APBB2: variants seen among roughly 807,000 people sequenced by gnomAD.
APBB2 encodes the protein amyloid beta precursor protein binding family B member 2.
A neutral mutation model predicts 82.5 loss-of-function variants in APBB2; 38 were observed. That is an observed-to-expected ratio of 0.46 (90% CI 0.36 to 0.60). The LOEUF is 0.60. APBB2 is among the 20% of genes least tolerant of loss of function. The pLI, the probability that APBB2 is intolerant of heterozygous loss-of-function variation, is 0.00. For synonymous variants in APBB2, 341 were observed against 368.2 expected (o/e 0.93, Z 0.85); for missense variants, 772 against 972.3 (o/e 0.79, Z 2.74).
intron 10 of APBB2, among the ~76,000 whole-genome samples, chr4:40,927,121 A>G (rs1044255521): frequency 6.6e-6 from 1 of 152,074 alleles, no homozygotes; most frequent in Non-Finnish European, 1.5e-5. Flanking sequence ...TTCTAATTTG[A>G]TGACACATTC....
intron 7 of APBB2, among the ~76,000 whole-genome samples, chr4:40,937,478 A>G (rs4593176): frequency 0.82 from 124,769 of 152,184 alleles, 51,129 homozygotes; most frequent in South Asian, 0.86. Flanking sequence ...TCCAGCTCTC[A>G]TGTTATGGAA....
At chr4:40,886,124 A>G (rs1770173790) in intron 12 of APBB2, among the ~76,000 whole-genome samples, 1 of 152,224 alleles carries the variant, frequency 6.6e-6, no homozygotes. Flanking sequence ...TACCCAGAAG[A>G]TAAGCCTCCA....
intron 7 of APBB2, among the ~76,000 whole-genome samples, chr4:40,937,252 G>T (rs186689009): frequency 1.8e-4 from 28 of 152,238 alleles, no homozygotes; most frequent in Middle Eastern, 3.4e-3. Context: ...CTCACAAAAA[G>T]AATTTCAGAA....
chr4:41,171,058 C>T (rs1768097742), intron 1 of APBB2, among the ~76,000 whole-genome samples: 2 of 152,300 alleles, frequency 1.3e-5, no homozygotes, highest in South Asian at 2.1e-4. Flanking sequence ...CAACTCGCTA[C>T]GTCAGTTTCT....
chr4:40,981,370 G>A (rs1178631976), intron 6 of APBB2, among the ~76,000 whole-genome samples: 1 of 141,534 alleles, frequency 7.1e-6, no homozygotes, highest in Non-Finnish European at 1.6e-5. Context: ...GACAGAGTGA[G>A]ACCCTGTCTC....
chr4:40,906,464 C>CAAAA (rs5857755), intron 10 of APBB2, among the ~76,000 whole-genome samples: 23 of 68,002 alleles, frequency 3.4e-4, no homozygotes, highest in African/African-American at 8.5e-4. Context: ...AAACCTGTCT[C>CAAAA]AAAAAAAAAA....
intron 12 of APBB2, among the ~76,000 whole-genome samples, chr4:40,867,978 A>T (rs1764455439): frequency 6.6e-6 from 1 of 151,716 alleles, no homozygotes. Flanking sequence ...AGGGGCTCTA[A>T]ATTTTCAGCC....
At chr4:41,144,945 C>A (rs1047854044) in intron 1 of APBB2, among the ~76,000 whole-genome samples, 3 of 152,152 alleles carry the variant, frequency 2.0e-5, no homozygotes, top group African/African-American at 7.2e-5. Flanking sequence ...CAAAGAGAGG[C>A]CTTGTCTCTA....
chr4:41,078,682 T>C (rs1191268861), intron 3 of APBB2, among the ~76,000 whole-genome samples: 2 of 152,210 alleles, frequency 1.3e-5, no homozygotes, highest in Admixed American at 6.5e-5. Context: ...CTTAGTTAAA[T>C]AGAGTTCATT....
chr4:40,931,131 G>C (rs1415087274), intron 10 of APBB2, among the ~76,000 whole-genome samples: 2 of 152,102 alleles, frequency 1.3e-5, no homozygotes, highest in Middle Eastern at 3.2e-3. Flanking sequence ...GAATGTAAAG[G>C]GTCATGTAAG....
chr4:41,019,403 G>A (rs1038851275), intron 5 of APBB2, among the ~76,000 whole-genome samples: 3 of 152,088 alleles, frequency 2.0e-5, no homozygotes, highest in Non-Finnish European at 2.9e-5. Context: ...GAAGAGAGGC[G>A]GTAAGGACAA....
chr4:40,895,049 T>G (rs887191922), intron 10 of APBB2, among the ~76,000 whole-genome samples: 1 of 152,152 alleles, frequency 6.6e-6, no homozygotes, highest in African/African-American at 2.4e-5. Flanking sequence ...GTGAGCTTCA[T>G]AACCAAATGA....
At chr4:40,993,273 A>G (rs6841657) in intron 6 of APBB2, among the ~76,000 whole-genome samples, 3,577 of 152,178 alleles carry the variant, frequency 0.024, 147 homozygotes, top group African/African-American at 0.082. Context: ...AGCTTATGGC[A>G]CAAATTCCAT....
rs190119278 is a variant in APBB2, at chr4:40,839,189, C to T, written c.1530-8612G>A. On this transcript the variant is annotated intron_variant, in intron 12 of 17. Transcript: ENST00000508593. ...ACCTCCTAGACTCAAGCGATCCTCC[C>T]GTCTCAGCCTCCCAAGTAGCTGGGA... 4.4e-3 allele frequency among the ~76,000 whole-genome samples: 666 copies of T among 151,980 alleles called. 1 individual carries two copies. The highest frequency in any genetic ancestry group is 5.9e-3 in the Non-Finnish European group (402 of 67,956).
Position 40,986,388 on chromosome 4 carries a change from A to C in APBB2, c.835+27195T>G, listed in dbSNP as rs147694075. Among the ~76,000 whole-genome samples, 434 of 152,370 alleles carry C rather than the reference A, an allele frequency of 2.8e-3. 3 individuals carry two copies. The highest frequency in any genetic ancestry group is 0.01 in the African/African-American group (420 of 41,586). On this transcript the variant is annotated intron_variant, in intron 6 of 17. Coordinates refer to ENST00000508593, the MANE Select transcript of APBB2 (RefSeq NM_004307.2). ...ATCCTTCTTCACATGACTCCAAAAC[A>C]GCTTCCCATTCAAAGCAAAATAAAC...
intron 10 of APBB2, among the ~76,000 whole-genome samples, chr4:40,921,107 G>A (rs934449074): frequency 1.3e-5 from 2 of 152,186 alleles, no homozygotes; most frequent in Non-Finnish European, 1.5e-5. Flanking sequence ...TGTGAGGCTC[G>A]TGGCAGCATT....
intron 3 of APBB2, among the ~76,000 whole-genome samples, chr4:41,094,898 C>T (rs577415426): frequency 9.9e-4 from 151 of 152,240 alleles, no homozygotes; most frequent in African/African-American, 3.2e-3. Flanking sequence ...TGTTATCTGC[C>T]ATATTTTATT....
At chr4:40,996,906 T>G (rs765173613) in intron 6 of APBB2, among the ~76,000 whole-genome samples, 1 of 152,176 alleles carries the variant, frequency 6.6e-6, no homozygotes, top group East Asian at 1.9e-4. Flanking sequence ...ACATAGAAAT[T>G]GATCCTCCCA....
At chr4:41,102,130 C>T (rs913317846) in intron 2 of APBB2, among the ~76,000 whole-genome samples, 10 of 152,188 alleles carry the variant, frequency 6.6e-5, no homozygotes, top group Non-Finnish European at 8.8e-5. Flanking sequence ...TCTCCTATTA[C>T]AGGACTTCTA....
Sources: allele counts gnomAD v4.1 joint callset (sites outside exome capture counted in the v4.1 genomes callset), GRCh38; gene constraint gnomAD v4.1.1; transcripts MANE v1.5; gene names NCBI Gene and HGNC (gene_info 2026-07-23, HGNC 2026-07-21).